Variants in SLAMF1 observed in about 807,000 individuals in gnomAD.
SLAMF1 encodes signaling lymphocytic activation molecule.
Under a neutral mutation model 35.1 loss-of-function variants are expected in SLAMF1, and 18 were observed. The ratio of observed to expected loss-of-function variants is 0.51; its 90% CI spans 0.35 to 0.76. The LOEUF is 0.76. Among genes scored for constraint, SLAMF1 ranks in the 30% least tolerant of loss-of-function variants. The pLI, the probability that SLAMF1 is intolerant of heterozygous loss-of-function variation, is 0.01. For missense variants in SLAMF1, 392 were observed against 413.0 expected, an observed-to-expected ratio of 0.95 and a Z score of 0.44; for synonymous variants, 168 against 157.2, an observed-to-expected ratio of 1.07 and a Z score of -0.51.
chr1:160,628,054 A>C (rs1659973975), intron 3 of SLAMF1, among the ~76,000 whole-genome samples: 1 of 152,174 alleles, frequency 6.6e-6, no homozygotes, highest in Admixed American at 6.5e-5. Context: ...GCCTTCAACC[A>C]TGATTGTGAG....
At chr1:160,633,216 G>A (rs1310625499) in intron 3 of SLAMF1, among the ~76,000 whole-genome samples, 3 of 152,122 alleles carry the variant, frequency 2.0e-5, no homozygotes, top group South Asian at 2.1e-4. Context: ...TGGGGAGAGC[G>A]CTCTGAACTG....
At chr1:160,625,134 A>G (rs747376916) in intron 3 of SLAMF1, among the ~76,000 whole-genome samples, 7 of 152,184 alleles carry the variant, frequency 4.6e-5, no homozygotes, top group Non-Finnish European at 8.8e-5. Context: ...CTAAAGACAG[A>G]CTTCTTGGAG....
chr1:160,633,576 C>A (rs1258414935), intron 3 of SLAMF1, among the ~76,000 whole-genome samples: 2 of 152,184 alleles, frequency 1.3e-5, no homozygotes, highest in Non-Finnish European at 2.9e-5. Context: ...TATGTCCCCC[C>A]AGTGGATGCA....
intron 5 of SLAMF1, among the ~76,000 whole-genome samples, chr1:160,617,422 C>T (rs1468896902): frequency 2.6e-5 from 4 of 152,136 alleles, no homozygotes; most frequent in Non-Finnish European, 5.9e-5. Context: ...AAATAACCCA[C>T]ATGTCCATCA....
At chr1:160,631,478 C>T (rs535664125) in intron 3 of SLAMF1, among the ~76,000 whole-genome samples, 20 of 152,228 alleles carry the variant, frequency 1.3e-4, no homozygotes, top group African/African-American at 4.8e-4. Context: ...TGAATTTTGT[C>T]TCCCCTCCCC....
At chr1:160,635,529 T>A (rs1311313731) in intron 2 of SLAMF1, among the ~76,000 whole-genome samples, 1 of 151,992 alleles carries the variant, frequency 6.6e-6, no homozygotes, top group African/African-American at 2.4e-5. Context: ...ATTTAGCAAC[T>A]ATTATAGGAC....
At chr1:160,644,623 A>C (rs1016763420) in intron 1 of SLAMF1, among the ~76,000 whole-genome samples, 1 of 152,156 alleles carries the variant, frequency 6.6e-6, no homozygotes, top group Non-Finnish European at 1.5e-5. Context: ...CTGCCACATC[A>C]TGTGTCCTTA....
chr1:160,635,822 G>A lies in SLAMF1; in HGVS notation c.416-925C>T, dbSNP rs187675292. The stretch of plus-strand genomic sequence containing the variant: ...TCTCGATCTCCTGACCTTGTGATCC[G>A]CCCGCCTCGGCCTCCCAAAGTGCTG... On this transcript the variant is annotated intron_variant, in intron 2 of 6. Coordinates refer to ENST00000302035, the MANE Select transcript of SLAMF1 (RefSeq NM_003037.5). 2.2e-4 allele frequency among the ~76,000 whole-genome samples: 33 copies of A among 151,028 alleles called. No homozygotes were observed. The Middle Eastern group carries it at 0.01, about 48-fold the overall frequency.
intron 5 of SLAMF1, among the ~76,000 whole-genome samples, 178 bp downstream of exon 5, chr1:160,619,598 C>T (rs1361609803): frequency 6.6e-6 from 1 of 152,110 alleles, no homozygotes; most frequent in Admixed American, 6.5e-5. Context: ...TCCAGTGTTG[C>T]CCATTATTTC....
rs778387007 is a variant in SLAMF1, at chr1:160,610,567, G to C, written c.*181C>G. 6.5e-5 allele frequency: 40 copies of C among 610,920 alleles called. No homozygotes were observed. Among genetic ancestry groups the C allele is most frequent in the East Asian group, 4.5e-4 (16 of 35,902 alleles). 37.8% of individuals were successfully genotyped at this position (610,920 alleles called of 1,614,324 possible). A position where few individuals can be genotyped will look rare whatever the true frequency, so the allele number is the denominator to read the frequency against. On this transcript the variant is annotated 3_prime_UTR_variant, in exon 7 of 7. Transcript: ENST00000302035. ...GCACAGCAAGCTAAATTCTTGGGAA[G>C]CCTCACTTCCTTGTTCATTTCACAG...
chr1:160,637,165 T>G, intron 2 of SLAMF1, 26 bp downstream of exon 2: 1 of 1,561,622 alleles, frequency 6.4e-7, no homozygotes, highest in Non-Finnish European at 8.8e-7. Flanking sequence ...CCCTTTAGTG[T>G]GGACTGGGGA....
chr1:160,626,665 A>G (rs1039244184), intron 3 of SLAMF1, among the ~76,000 whole-genome samples: 25 of 152,196 alleles, frequency 1.6e-4, no homozygotes, highest in African/African-American at 6.0e-4. Flanking sequence ...GAGCTGGATA[A>G]GATGGGAACT....
At chr1:160,613,926 C>A (rs1305142586) in intron 5 of SLAMF1, among the ~76,000 whole-genome samples, 1 of 152,222 alleles carries the variant, frequency 6.6e-6, no homozygotes, top group Non-Finnish European at 1.5e-5. Context: ...GTTATAAGTG[C>A]TTGGGCATGG....
intron 3 of SLAMF1, among the ~76,000 whole-genome samples, chr1:160,625,824 AGTGTGTGTGTGT>A (rs3223445): frequency 1.4e-5 from 2 of 145,184 alleles, no homozygotes; most frequent in South Asian, 2.2e-4. Flanking sequence ...TCTGTGCAGG[AGTGTGTGTGTGT>A]GTGTGTGTGT....
chr1:160,629,431 T>C (rs1038645205), intron 3 of SLAMF1, among the ~76,000 whole-genome samples: 1 of 152,126 alleles, frequency 6.6e-6, no homozygotes, highest in Admixed American at 6.5e-5. Flanking sequence ...TACTGCGACG[T>C]TAGCGTAACG....
chr1:160,611,563 G>A (rs1166559707), intron 6 of SLAMF1, among the ~76,000 whole-genome samples: 1 of 152,162 alleles, frequency 6.6e-6, no homozygotes, highest in African/African-American at 2.4e-5. Flanking sequence ...TGTGACCTTT[G>A]TGCCTCTATC....
intron 5 of SLAMF1, among the ~76,000 whole-genome samples, 186 bp downstream of exon 5, chr1:160,619,590 C>T (rs1009479278): frequency 6.6e-6 from 1 of 152,126 alleles, no homozygotes; most frequent in Non-Finnish European, 1.5e-5. Context: ...GAAAATTATC[C>T]AGTGTTGCCC....
At position 160,612,527 on chromosome 1, in the gene SLAMF1, T is replaced by C. The variant is rs981258620; in HGVS notation, c.918A>G (p.Ile306Met). 6 of 1,612,930 alleles carry C rather than the reference T, an allele frequency of 3.7e-6. No homozygotes were observed. In the African/African-American group the frequency reaches 5.3e-5, roughly 14 times the overall value. Residue 306 changes from isoleucine to methionine, a missense_variant, in exon 6 of 7, where the codon ATA becomes ATG. Transcript: ENST00000302035. ...SFPAQDPCTT[I>M]YVAATEPVPE... is the part of the protein sequence containing the mutation. Reference sequence around the variant, plus strand: ...GGACAGGCTCTGTGGCAGCAACATATATGGTGGTGCAAGGGTCCTGAGCTG... The same window carrying C: ...GGACAGGCTCTGTGGCAGCAACATACATGGTGGTGCAAGGGTCCTGAGCTG...
At chr1:160,611,609 C>T (rs1431234277) in intron 6 of SLAMF1, among the ~76,000 whole-genome samples, 1 of 152,188 alleles carries the variant, frequency 6.6e-6, no homozygotes, top group East Asian at 1.9e-4. Context: ...CCAAATGGAG[C>T]AAAGATTTCA....
Sources: allele counts gnomAD v4.1 joint callset (sites outside exome capture counted in the v4.1 genomes callset), GRCh38; gene constraint gnomAD v4.1.1; transcripts MANE v1.5; gene names NCBI Gene and HGNC (gene_info 2026-07-23, HGNC 2026-07-21).